The following NRCAM variants were observed in gnomAD, a reference collection of about 807,000 sequenced individuals.
NRCAM encodes the protein NgCAM-related cell adhesion molecule.
NRCAM carries 83 observed loss-of-function variants against 156.5 expected under a neutral mutation model. The ratio of observed to expected loss-of-function variants is 0.53; its 90% CI spans 0.44 to 0.64. NRCAM has a LOEUF of 0.64. Ranked by LOEUF, NRCAM falls within the 30% of genes least tolerant of loss-of-function variation. The pLI is 0.00. For synonymous variants in NRCAM, 538 were observed against 563.9 expected (o/e 0.95, Z 0.65); for missense variants, 1,417 against 1,597.3 (o/e 0.89, Z 1.92).
chr7:108,334,680 AG>A (rs551460233), intron 2 of NRCAM, among the ~76,000 whole-genome samples: 9 of 152,316 alleles, frequency 5.9e-5, no homozygotes, highest in African/African-American at 1.7e-4. Context: ...GAGATGAGAA[AG>A]CCAACATGGG....
intron 17 of NRCAM, among the ~76,000 whole-genome samples, chr7:108,192,218 G>C (rs1357676414): frequency 6.6e-6 from 1 of 151,750 alleles, no homozygotes; most frequent in Non-Finnish European, 1.5e-5. Context: ...AGGGGAATGG[G>C]GCGAGTGAAG....
chr7:108,339,247 T>A (rs1043558076), intron 2 of NRCAM, among the ~76,000 whole-genome samples: 1 of 152,054 alleles, frequency 6.6e-6, no homozygotes, highest in Non-Finnish European at 1.5e-5. Flanking sequence ...CCCAGGTGAA[T>A]GAGAAAAAAA....
chr7:108,357,531 AC>A (rs763424869), intron 2 of NRCAM, among the ~76,000 whole-genome samples: 4 of 152,030 alleles, frequency 2.6e-5, no homozygotes, highest in Non-Finnish European at 5.9e-5. Flanking sequence ...AGGTTTCACC[AC>A]ACTGGCCAGG....
At chr7:108,350,208 A>G (rs540261053) in intron 2 of NRCAM, among the ~76,000 whole-genome samples, 2 of 152,212 alleles carry the variant, frequency 1.3e-5, no homozygotes, top group African/African-American at 4.8e-5. Context: ...TCACCTCCAT[A>G]ACCTTACTCT....
chr7:108,362,264 C>A (rs1212245105), intron 2 of NRCAM, among the ~76,000 whole-genome samples: 4 of 152,300 alleles, frequency 2.6e-5, no homozygotes, highest in African/African-American at 4.8e-5. Context: ...TTTCTGGGGT[C>A]TCTTTTATAA....
chr7:108,268,631 GGGGTTGGGGGGGGCGGCGGT>G (rs2097203393), intron 3 of NRCAM, among the ~76,000 whole-genome samples: 1 of 103,098 alleles, frequency 9.7e-6, no homozygotes, highest in Non-Finnish European at 2.2e-5. Context: ...GGGGTGGGGG[GGGGTTGGGGGGGGCGGCGGT>G]GGCGGGAAGA....
chr7:108,236,078 A>G (rs897363172), intron 5 of NRCAM, among the ~76,000 whole-genome samples: 1 of 152,036 alleles, frequency 6.6e-6, no homozygotes, highest in African/African-American at 2.4e-5. Context: ...TCCTTTGTGA[A>G]ACTTCTTCCA....
intron 1 of NRCAM, among the ~76,000 whole-genome samples, chr7:108,416,123 G>A (rs1801240621): frequency 1.3e-5 from 2 of 152,202 alleles, no homozygotes; most frequent in Non-Finnish European, 2.9e-5. Flanking sequence ...GCCAGCTGCT[G>A]ATGTGAGCCC....
In NRCAM at chr7:108,446,242, C is replaced by T. The variant is rs138598466; in HGVS notation, c.-332+10001G>A. Among the ~76,000 whole-genome samples, 1,192 of 152,304 alleles carry T rather than the reference C, an allele frequency of 7.8e-3. 15 individuals carry two copies. Among genetic ancestry groups the T allele is most frequent in the African/African-American group, 0.027 (1,125 of 41,558 alleles). On this transcript the variant is annotated intron_variant, in intron 1 of 32. Coordinates refer to ENST00000379028, the MANE Select transcript of NRCAM (RefSeq NM_001037132.4). ...AGTACCCTTCTGGATTCAATGATTT[C>T]ACCTGCTTGCTCAAGTGCCTAATTT...
At chr7:108,367,201 A>T (rs904964511) in intron 2 of NRCAM, among the ~76,000 whole-genome samples, 1 of 152,184 alleles carries the variant, frequency 6.6e-6, no homozygotes, top group African/African-American at 2.4e-5. Context: ...GCTTGGATCC[A>T]ATCAAATATT....
rs11413420 is a variant in NRCAM, at chr7:108,242,258, C to CAAAAAAA, written c.-106-2095_-106-2089dup. ...TGGGTGACAGAGCAAGACCCCGTCT[C>CAAAAAAA]AAAAAAAAAAAAAAAAAAAAGAATG... On this transcript the variant is annotated intron_variant, in intron 3 of 32. Coordinates refer to ENST00000379028, the MANE Select transcript of NRCAM (RefSeq NM_001037132.4). Among the ~76,000 whole-genome samples, 33 of 98,464 alleles carry CAAAAAAA rather than the reference C, an allele frequency of 3.4e-4. 1 individual carries two copies. Among genetic ancestry groups the CAAAAAAA allele is most frequent in the African/African-American group, 9.9e-4 (24 of 24,150 alleles). 64.6% of individuals were successfully genotyped at this position (98,464 alleles called of 152,430 possible). A position where few individuals can be genotyped will look rare whatever the true frequency, so the allele number is the denominator to read the frequency against.
chr7:108,427,571 T>C (rs995408471), intron 1 of NRCAM, among the ~76,000 whole-genome samples: 8 of 152,212 alleles, frequency 5.3e-5, no homozygotes, highest in African/African-American at 1.7e-4. Flanking sequence ...CCACCAATTT[T>C]ACCTTGAAGA....
intron 13 of NRCAM, among the ~76,000 whole-genome samples, chr7:108,204,447 C>T (rs1435986347): frequency 1.3e-5 from 2 of 152,212 alleles, no homozygotes; most frequent in Non-Finnish European, 2.9e-5. Context: ...GCAGAGGCCC[C>T]GCTGGCTCAT....
At chr7:108,262,968 G>A (rs1314180017) in intron 3 of NRCAM, among the ~76,000 whole-genome samples, 1 of 152,356 alleles carries the variant, frequency 6.6e-6, no homozygotes, top group East Asian at 1.9e-4. Flanking sequence ...AAGCTACCAC[G>A]TGGAGAAGCA....
At chr7:108,181,635 GGATGCAGTGA>G (rs1162872708) in intron 24 of NRCAM, among the ~76,000 whole-genome samples, 177 bp downstream of exon 24, 1 of 143,354 alleles carries the variant, frequency 7.0e-6, no homozygotes, top group Non-Finnish European at 1.5e-5. Context: ...TTTTAATTTT[GGATGCAGTGA>G]GATTTCAAGT....
chr7:108,341,729 G>A (rs192309431), intron 2 of NRCAM, among the ~76,000 whole-genome samples: 7 of 152,164 alleles, frequency 4.6e-5, no homozygotes, highest in African/African-American at 1.7e-4. Context: ...CCTTAGACCC[G>A]AGGCCCAACA....
At chr7:108,204,142 C>A (rs991865941) in intron 13 of NRCAM, among the ~76,000 whole-genome samples, 4 of 152,190 alleles carry the variant, frequency 2.6e-5, no homozygotes, top group African/African-American at 9.7e-5. Flanking sequence ...CTTCAGGGGC[C>A]TCTAAATTCA....
chr7:108,253,171 G>A (rs1590111230), intron 3 of NRCAM, among the ~76,000 whole-genome samples: 1 of 152,132 alleles, frequency 6.6e-6, no homozygotes, highest in East Asian at 1.9e-4. Flanking sequence ...TAGATGCTAG[G>A]GGGGATTCAA....
At position 108,180,297 on chromosome 7, in the gene NRCAM, A is replaced by G; in HGVS notation, c.2777T>C (p.Leu926Pro). 6.2e-7 allele frequency: 1 copy of G among 1,614,144 alleles called. No individual in the cohort carries two copies. The highest frequency in any genetic ancestry group is 1.1e-5 in the South Asian group (1 of 91,086). ...PGLEPFSHYT[L>P]NVRVVNGKGE... The stretch of plus-strand genomic sequence containing the variant: ...TTTCCCATTGACCACTCGGACATTC[A>G]GTGTGTAGTGGCTAAAGGGCTCTAG... The change falls in exon 25 of 33, where the codon CTG becomes CCG. Residue 926 changes from leucine to proline, a missense_variant. By Grantham distance (98) the Leu-to-Pro change is moderately conservative (BLOSUM62 -3). Around this residue, in one of 2 missense-constraint regions of NRCAM, gnomAD observed 1,238 missense variants for 1,336.4 expected, o/e 0.93. Coordinates refer to ENST00000379028, the MANE Select transcript of NRCAM (RefSeq NM_001037132.4).
Sources: allele counts gnomAD v4.1 joint callset (sites outside exome capture counted in the v4.1 genomes callset), GRCh38; gene constraint gnomAD v4.1.1; regional missense constraint gnomAD v4.1.1; transcripts MANE v1.5; gene names NCBI Gene and HGNC (gene_info 2026-07-23, HGNC 2026-07-21).